Variants in CCDC7 observed in about 807,000 individuals in gnomAD.
CCDC7 encodes the protein coiled-coil domain-containing protein 7.
Under a neutral mutation model 196.9 loss-of-function variants are expected in CCDC7, and 183 were observed. That is an observed-to-expected ratio of 0.93 (90% CI 0.82 to 1.05). CCDC7 has a LOEUF of 1.05. Among genes scored for constraint, CCDC7 ranks in the 50% least tolerant of loss-of-function variants. CCDC7 has a pLI of 0.00. For missense variants in CCDC7, 1,540 were observed against 1,482.2 expected (o/e 1.04, Z -0.64); for synonymous variants, 525 against 484.6 (o/e 1.08, Z -1.10).
chr10:32,826,657 T>C (rs2091167297), intron 32 of CCDC7, among the ~76,000 whole-genome samples: 1 of 152,084 alleles, frequency 6.6e-6, no homozygotes, highest in South Asian at 2.1e-4. Flanking sequence ...TCATGGGGAG[T>C]TCCCTATGAT....
intron 8 of CCDC7, among the ~76,000 whole-genome samples, chr10:32,475,740 T>C (rs2038854844): frequency 6.6e-6 from 1 of 152,182 alleles, no homozygotes; most frequent in Non-Finnish European, 1.5e-5. Flanking sequence ...TGTCTTCTTC[T>C]CTGGCCACAC....
chr10:32,521,551 A>G (rs2047880713), intron 11 of CCDC7, among the ~76,000 whole-genome samples: 1 of 151,228 alleles, frequency 6.6e-6, no homozygotes, highest in Non-Finnish European at 1.5e-5. Flanking sequence ...TGTATCCTGT[A>G]ACTTTACTGA....
chr10:32,583,326 CT>C lies in CCDC7; in HGVS notation c.1728+21del. 4 of 1,213,470 alleles carry C rather than the reference CT, an allele frequency of 3.3e-6. No homozygotes were observed. Among genetic ancestry groups the C allele is most frequent in the Non-Finnish European group, 4.1e-6 (4 of 971,346 alleles). 75.2% of individuals were successfully genotyped at this position (1,213,470 alleles called of 1,614,324 possible). On this transcript the variant is annotated intron_variant, in intron 17 of 41. Transcript: ENST00000639629. ...TAAAAAGGTATGATATATATAGAAA[CT>C]TGAAAGCTGTTTATTTCATATTGCT...
rs1023157281 is a variant in CCDC7 at position 32,491,957 on chromosome 10, A to G, written c.832A>G (p.Met278Val). The stretch of plus-strand genomic sequence containing the variant: ...TTCAATGACTAATCGATTTAATGCC[A>G]TGTTGAAAGTATTTGAAAACCAGGC... Residue 278 changes from methionine (M) to valine (V), a missense_variant, in exon 9 of 42, where the codon ATG becomes GTG. Coordinates refer to ENST00000639629, the Ensembl canonical transcript of CCDC7. 1.0e-5 allele frequency: 16 copies of G among 1,579,830 alleles called. No homozygotes were observed. In the Admixed American group the frequency reaches 1.8e-4, roughly 18 times the overall value.
rs11375465 is a variant in CCDC7, at chr10:32,542,633, CAAAAAAAA to C, written c.994-654_994-647del. On this transcript the variant is annotated intron_variant, in intron 11 of 41. Coordinates refer to ENST00000639629, the Ensembl canonical transcript of CCDC7. Reference sequence around the variant, plus strand: ...GGACAACAGAGTGAGACTCCCATCTCAAAAAAAAAAAAAAAAAAAAGCAGAAAGCAACT... The same window carrying C: ...GGACAACAGAGTGAGACTCCCATCTCAAAAAAAAAAAAGCAGAAAGCAACT... Among the ~76,000 whole-genome samples the C allele has an allele frequency of 1.1e-4, 10 of 87,946 alleles. 1 individual carries two copies. The South Asian group carries it at 4.9e-3, about 43-fold the overall frequency. 57.7% of individuals were successfully genotyped at this position (87,946 alleles called of 152,430 possible).
At chr10:32,708,154 C>T (rs879277035) in intron 24 of CCDC7, among the ~76,000 whole-genome samples, 2 of 150,886 alleles carry the variant, frequency 1.3e-5, no homozygotes, top group Non-Finnish European at 3.0e-5. Flanking sequence ...ATAGAGCCCT[C>T]AGAAATAATA....
intron 21 of CCDC7, among the ~76,000 whole-genome samples, chr10:32,671,915 T>A (rs986323949): frequency 6.6e-6 from 1 of 152,164 alleles, no homozygotes; most frequent in African/African-American, 2.4e-5. Flanking sequence ...TGGCAAAGGT[T>A]ATTGGGGTCT....
intron 37 of CCDC7, 130 bp downstream of exon 38, chr10:32,846,589 T>A (rs893772882): frequency 8.9e-6 from 5 of 560,508 alleles, no homozygotes; most frequent in African/African-American, 7.6e-5. Context: ...ATCATGAATA[T>A]CCTTTAATTA....
chr10:32,537,954 A>G (rs1055445905), intron 11 of CCDC7, among the ~76,000 whole-genome samples: 6 of 152,292 alleles, frequency 3.9e-5, no homozygotes, highest in African/African-American at 1.4e-4. Flanking sequence ...CTTTTTGCTT[A>G]GGATTGCCTT....
intron 18 of CCDC7, among the ~76,000 whole-genome samples, chr10:32,601,304 C>T (rs1432651320): frequency 6.6e-6 from 1 of 152,192 alleles, no homozygotes; most frequent in East Asian, 1.9e-4. Context: ...CTCCTGACCT[C>T]AAGTAAACCA....
upstream of CCDC7, among the ~76,000 whole-genome samples, chr10:32,450,956 C>T (rs2032908315): frequency 6.6e-6 from 1 of 151,964 alleles, no homozygotes; most frequent in Non-Finnish European, 1.5e-5. Flanking sequence ...TTGTTGTTTT[C>T]TGTTGTTAGG....
chr10:32,851,225 T>C (rs1276069097), intron 39 of CCDC7, among the ~76,000 whole-genome samples: 4 of 152,224 alleles, frequency 2.6e-5, no homozygotes, highest in African/African-American at 4.8e-5. Context: ...ACTTTCCTCT[T>C]AGGACTACTT....
chr10:32,611,578 A>G (rs961736898), intron 18 of CCDC7, among the ~76,000 whole-genome samples: 1 of 152,144 alleles, frequency 6.6e-6, no homozygotes, highest in African/African-American at 2.4e-5. Flanking sequence ...TCTTTAATCC[A>G]TCTTGAGTTA....
chr10:32,586,775 T>C (rs1471303739), intron 18 of CCDC7, among the ~76,000 whole-genome samples: 1 of 152,202 alleles, frequency 6.6e-6, no homozygotes. Flanking sequence ...TTGGCTACTG[T>C]AGCCTTGTAG....
chr10:32,528,411 C>T (rs1435138497), intron 11 of CCDC7, among the ~76,000 whole-genome samples: 1 of 143,662 alleles, frequency 7.0e-6, no homozygotes, highest in Non-Finnish European at 1.5e-5. Context: ...CCCCTCTTAT[C>T]CTTTCCCCCG....
At chr10:32,800,250 C>T (rs937453705) in intron 29 of CCDC7, among the ~76,000 whole-genome samples, 3 of 152,070 alleles carry the variant, frequency 2.0e-5, no homozygotes, top group Admixed American at 6.5e-5. Context: ...TGTAAGGATG[C>T]GATATTATTT....
chr10:32,864,582 A>G (rs533125861), intron 41 of CCDC7, among the ~76,000 whole-genome samples: 1 of 151,708 alleles, frequency 6.6e-6, no homozygotes, highest in South Asian at 2.1e-4. Context: ...AATAAATTCT[A>G]AAGATTAAAG....
rs577021791 is a variant in CCDC7 at position 32,668,426 on chromosome 10, GA to G, written c.2122+4266del. 5.6e-4 allele frequency among the ~76,000 whole-genome samples: 86 copies of G among 152,278 alleles called. No homozygotes were observed. The South Asian group carries it at 0.018, about 31-fold the overall frequency. ...ACTATGTTGGATAGGAGTGGTGAGAGAGGGCATCCCTGTCTTGTGCCAGTTT... is the reference window on the plus strand; with the variant it reads ...ACTATGTTGGATAGGAGTGGTGAGAGGGGCATCCCTGTCTTGTGCCAGTTT... On this transcript the variant is annotated intron_variant, in intron 21 of 41. Transcript: ENST00000639629.
rs78415288 is a variant in CCDC7, at chr10:32,671,417, G to T, written c.2122+7256G>T. 5.9e-5 allele frequency among the ~76,000 whole-genome samples: 9 copies of T among 152,220 alleles called. No individual in the cohort carries two copies. The South Asian group carries it at 1.9e-3, about 32-fold the overall frequency. ...GTAGACTATATCATATAACTTAGGT[G>T]TGTAGTAGGCTATACCATGTAGGTT... On this transcript the variant is annotated intron_variant, in intron 21 of 41. Transcript: ENST00000639629.
Sources: gnomAD v4.1 joint callset for allele counts (sites outside exome capture counted in the v4.1 genomes callset) on GRCh38, gnomAD v4.1.1 for gene constraint, MANE v1.5 for transcripts, NCBI Gene and HGNC (gene_info 2026-07-23, HGNC 2026-07-21) for gene names.